MAST4: variants seen among roughly 807,000 people sequenced by gnomAD.
MAST4 encodes the protein microtubule associated serine/threonine kinase family member 4.
MAST4 carries 89 observed loss-of-function variants against 162.7 expected under a neutral mutation model. That is an observed-to-expected ratio of 0.55 (90% CI 0.46 to 0.65). The LOEUF (loss-of-function observed/expected upper bound fraction) is 0.65, where lower values mean the gene tolerates loss of function less well. Ranked by LOEUF, MAST4 falls within the 30% of genes least tolerant of loss-of-function variation. The pLI is 0.00. For synonymous variants in MAST4, 1,479 were observed against 1,361.1 expected (o/e 1.09, Z -1.91); for missense variants, 3,153 against 3,374.0 (o/e 0.93, Z 1.62).
At chr5:66,848,447 T>G (rs911269833) in intron 3 of MAST4, among the ~76,000 whole-genome samples, 1 of 147,556 alleles carries the variant, frequency 6.8e-6, no homozygotes, top group Non-Finnish European at 1.5e-5. Context: ...AGGCAGGTTG[T>G]TTTTTTTGTT....
chr5:66,888,170 T>C (rs1025089144), intron 3 of MAST4, among the ~76,000 whole-genome samples: 21 of 152,268 alleles, frequency 1.4e-4, no homozygotes, highest in African/African-American at 5.1e-4. Context: ...GTTTATTCTG[T>C]GACCTCTTTA....
intron 4 of MAST4, among the ~76,000 whole-genome samples, chr5:67,027,736 T>G (rs1282359483): frequency 6.6e-6 from 1 of 152,222 alleles, no homozygotes; most frequent in Non-Finnish European, 1.5e-5. Context: ...TAGTCTGTAT[T>G]AAGCAATTCA....
At chr5:66,651,944 T>G (rs541661258) in intron 1 of MAST4, among the ~76,000 whole-genome samples, 3 of 152,298 alleles carry the variant, frequency 2.0e-5, no homozygotes, top group African/African-American at 7.2e-5. Flanking sequence ...AGTTTCTTTG[T>G]ATGTCTGTAA....
chr5:66,645,347 A>T (rs10058976), intron 1 of MAST4, among the ~76,000 whole-genome samples: 1 of 152,036 alleles, frequency 6.6e-6, no homozygotes, highest in Admixed American at 6.6e-5. Flanking sequence ...AAAACGTGGC[A>T]TTATAAATTT....
intron 3 of MAST4, among the ~76,000 whole-genome samples, chr5:66,832,521 G>A (rs1400461036): frequency 6.6e-6 from 1 of 152,046 alleles, no homozygotes; most frequent in Non-Finnish European, 1.5e-5. Context: ...GCTGGCCTTG[G>A]TCTAGAATTC....
chr5:67,127,536 T>A (rs1163003772), intron 14 of MAST4, among the ~76,000 whole-genome samples: 1 of 152,188 alleles, frequency 6.6e-6, no homozygotes, highest in Non-Finnish European at 1.5e-5. Context: ...TGGATTACGT[T>A]TATTGATTTG....
rs548616492 is a variant in MAST4 at position 67,118,692 on chromosome 5, T to A, written c.1602T>A (p.His534Gln). The A allele has an allele frequency of 7.6e-6, 12 of 1,569,550 alleles. No homozygotes were observed. The South Asian group carries it at 1.3e-4, about 17-fold the overall frequency. ...LNKDPLEEMAHLGNYDSGTAE... is the reference protein window; with the variant it reads ...LNKDPLEEMAQLGNYDSGTAE... ...TTTTTTCCAACTTAGAAATGGCTCA[T>A]TTGGGAAACTACGATAGTGGGACAG... The change falls in exon 13 of 29, where the codon CAT becomes CAA. Residue 534 changes from histidine (H) to glutamine (Q), a missense_variant. Physicochemically the swap from His to Gln is conservative, Grantham distance 24. This residue lies in a region of MAST4 where 360 missense variants were observed against 450.0 expected (regional missense o/e 0.80). Transcript: ENST00000403625.
chr5:67,025,242 G>T (rs1424961364), intron 4 of MAST4, among the ~76,000 whole-genome samples: 1 of 152,002 alleles, frequency 6.6e-6, no homozygotes, highest in Non-Finnish European at 1.5e-5. Flanking sequence ...GATATATGTG[G>T]TTCTTTATTA....
chr5:66,741,652 C>T (rs947408345), intron 1 of MAST4, among the ~76,000 whole-genome samples: 1 of 151,998 alleles, frequency 6.6e-6, no homozygotes, highest in Non-Finnish European at 1.5e-5. Context: ...TTTGTGGGAA[C>T]GGGACCTCTC....
intron 14 of MAST4, among the ~76,000 whole-genome samples, chr5:67,124,365 A>G (rs1443810520): frequency 2.0e-5 from 3 of 152,056 alleles, no homozygotes; most frequent in African/African-American, 7.2e-5. Context: ...AGTCCACTTA[A>G]CAGTGTTACA....
chr5:66,865,200 C>T (rs1580701200), intron 3 of MAST4, among the ~76,000 whole-genome samples: 1 of 152,190 alleles, frequency 6.6e-6, no homozygotes, highest in African/African-American at 2.4e-5. Flanking sequence ...TTTGCAGTCC[C>T]TGTTTGACAT....
intron 4 of MAST4, among the ~76,000 whole-genome samples, chr5:66,995,998 C>A (rs1324610582): frequency 2.0e-5 from 3 of 152,024 alleles, no homozygotes; most frequent in African/African-American, 7.2e-5. Context: ...ACTTTGTTGG[C>A]CAGGCATGGT....
Position 67,149,573 on chromosome 5 carries a change from C to A in MAST4, c.3279C>A (p.Ser1093=), listed in dbSNP as rs1464973455. The change falls in exon 24 of 29, where the codon TCC becomes TCA. Residue 1093 remains serine, a synonymous_variant. Transcript: ENST00000403625. ...AGTCCCTCTCTGCCAGTGCTCTTTC[C>A]CTCATGATCCCAGGAGGTAGAGAGA... ...VTKSLSASAL[S]LMIPGDMFAV... 1 of 1,613,482 alleles carries A rather than the reference C, an allele frequency of 6.2e-7. No homozygotes were observed. The highest frequency in any genetic ancestry group is 8.5e-7 in the Non-Finnish European group (1 of 1,179,744).
At chr5:66,767,274 A>G (rs1236314499) in intron 2 of MAST4, among the ~76,000 whole-genome samples, 2 of 151,304 alleles carry the variant, frequency 1.3e-5, no homozygotes, top group East Asian at 3.9e-4. Context: ...TAGATAAGAG[A>G]TGGGGGAGCA....
chr5:66,674,594 GTC>G (rs1001191999), intron 1 of MAST4, among the ~76,000 whole-genome samples: 5 of 152,180 alleles, frequency 3.3e-5, no homozygotes, highest in African/African-American at 1.2e-4. Flanking sequence ...TGAGTTCAGA[GTC>G]TCTCTTTTGG....
At chr5:67,065,052 A>G (rs1411721156) in intron 5 of MAST4, among the ~76,000 whole-genome samples, 5 of 152,204 alleles carry the variant, frequency 3.3e-5, no homozygotes, top group Non-Finnish European at 2.9e-5. Flanking sequence ...AAATTAATAA[A>G]TAGTATAAAT....
chr5:67,090,253 A>G, intron 6 of MAST4, 22 bp downstream of exon 6: 1 of 1,584,114 alleles, frequency 6.3e-7, no homozygotes. Context: ...TTGTGAGTGG[A>G]GGCATAAGGT....
At chr5:66,620,038 C>A (rs1047652587) in intron 1 of MAST4, among the ~76,000 whole-genome samples, 1 of 117,012 alleles carries the variant, frequency 8.5e-6, no homozygotes, top group Admixed American at 9.9e-5. Flanking sequence ...GAATGAAAGA[C>A]TTAGGTTGCT....
chr5:66,880,374 G>C (rs1761611653), intron 3 of MAST4, among the ~76,000 whole-genome samples: 2 of 152,132 alleles, frequency 1.3e-5, no homozygotes, highest in Admixed American at 1.3e-4. Context: ...GGATGGAAAG[G>C]AGTTTTTTAA....
Sources: allele counts gnomAD v4.1 joint callset (sites outside exome capture counted in the v4.1 genomes callset), GRCh38; gene constraint gnomAD v4.1.1; regional missense constraint gnomAD v4.1.1; transcripts MANE v1.5; gene names NCBI Gene and HGNC (gene_info 2026-07-23, HGNC 2026-07-21).